CDON: variants seen among roughly 807,000 people sequenced by gnomAD.
CDON encodes cell adhesion molecule-related/down-regulated by oncogenes.
A neutral mutation model predicts 120.9 loss-of-function variants in CDON; 73 were observed. The ratio of observed to expected loss-of-function variants is 0.60; its 90% CI spans 0.50 to 0.73. The LOEUF (loss-of-function observed/expected upper bound fraction) is 0.73, where lower values mean the gene tolerates loss of function less well. Among genes scored for constraint, CDON ranks in the 30% least tolerant of loss-of-function variants. CDON has a pLI of 0.00. For missense variants in CDON, 1,470 were observed against 1,587.3 expected (o/e 0.93, Z 1.26); for synonymous variants, 566 against 573.5 (o/e 0.99, Z 0.19).
In CDON at chr11:125,957,336, G is replaced by A. The variant is rs999786776; in HGVS notation, c.*3606C>T. The A allele has an allele frequency of 3.3e-5, 5 of 152,198 alleles. No homozygotes were observed. The highest frequency in any genetic ancestry group is 3.9e-4 in the East Asian group (2 of 5,158). 9.4% of individuals were successfully genotyped at this position (152,198 alleles called of 1,614,324 possible). A position where few individuals can be genotyped will look rare whatever the true frequency, so the allele number is the denominator to read the frequency against. On this transcript the variant is annotated 3_prime_UTR_variant, in exon 20 of 20. Transcript: ENST00000531738. ...TGTGCACAGGGGAGTTTCAGGGGAG[G>A]ACAGGGGTGGGGGGTTCCAAAGAAT...
intron 9 of CDON, chr11:126,005,347 A>ACGC: frequency 5.0e-6 from 1 of 200,306 alleles, no homozygotes. Flanking sequence ...AAAACTTGAA[A>ACGC]TGCAAACAAT....
intron 18 of CDON, among the ~76,000 whole-genome samples, chr11:125,975,479 C>G (rs115394562): frequency 0.41 from 62,103 of 151,976 alleles, 12,892 homozygotes; most frequent in African/African-American, 0.47. Context: ...ACTAAACCTT[C>G]ACATTCAGGG....
chr11:125,984,008 C>G lies in CDON; in HGVS notation c.2859G>C (p.Gly953=). The G allele has an allele frequency of 6.2e-7, 1 of 1,613,992 alleles. No individual in the cohort carries two copies. The highest frequency in any genetic ancestry group is 8.5e-7 in the Non-Finnish European group (1 of 1,179,894). ...PNSLGSGGNV[G]PATSPARSSD... is the part of the protein sequence containing the mutation. ...TGCTTCTGGCAGGGCTGGTTGCAGG[C>G]CCCACATTTCCTCCACTTCCCAAAG... The change falls in exon 16 of 20, where the codon GGG becomes GGC. Residue 953 remains glycine, a synonymous_variant. Coordinates refer to ENST00000531738, the MANE Select transcript of CDON (RefSeq NM_001378964.1).
At chr11:125,992,525 C>T (rs1485616781) in intron 14 of CDON, among the ~76,000 whole-genome samples, 1 of 152,188 alleles carries the variant, frequency 6.6e-6, no homozygotes, top group Non-Finnish European at 1.5e-5. Context: ...CCAGGCTCTG[C>T]TTTCCCATGA....
chr11:125,959,906 T>C lies in CDON; in HGVS notation c.*1036A>G, dbSNP rs1259003618. On this transcript the variant is annotated 3_prime_UTR_variant, in exon 20 of 20. Transcript: ENST00000531738. Reference sequence around the variant, plus strand: ...AGAAACAGTCAAAAAGAGCCCATAGTGGCCATTTTATAAATTAATGTAATT... The same window carrying C: ...AGAAACAGTCAAAAAGAGCCCATAGCGGCCATTTTATAAATTAATGTAATT... The C allele has an allele frequency of 6.6e-6, 1 of 152,166 alleles. No individual in the cohort carries two copies. The allele number at this position is 152,166 out of a possible 1,614,324, so 9.4% of individuals were successfully genotyped here. A position where few individuals can be genotyped will look rare whatever the true frequency, so the allele number is the denominator to read the frequency against.
At position 126,056,386 on chromosome 11, in the gene CDON, C is replaced by T. The variant is rs572679232; in HGVS notation, c.-62+6193G>A. 7.9e-5 allele frequency among the ~76,000 whole-genome samples: 12 copies of T among 152,346 alleles called. No individual in the cohort carries two copies. The East Asian group carries it at 2.1e-3, about 27-fold the overall frequency. ...GAAGAAAAGGGGACAATTTGCCCTT[C>T]TCCAGTCCAGAGGAACCCATCCTGC... is the stretch of plus-strand genomic sequence containing the variant. On this transcript the variant is annotated intron_variant, in intron 1 of 19. Coordinates refer to ENST00000531738, the MANE Select transcript of CDON (RefSeq NM_001378964.1).
At chr11:126,060,079 T>G (rs1948761506) in intron 1 of CDON, among the ~76,000 whole-genome samples, 1 of 152,146 alleles carries the variant, frequency 6.6e-6, no homozygotes, top group African/African-American at 2.4e-5. Context: ...GAAAGTGAGT[T>G]AGTGCCAAAT....
chr11:126,052,531 AAAT>A (rs1948588409), intron 1 of CDON, among the ~76,000 whole-genome samples: 2 of 152,184 alleles, frequency 1.3e-5, no homozygotes, highest in Admixed American at 1.3e-4. Flanking sequence ...TAAAAATAAA[AAAT>A]AATACAGGCC....
Position 126,015,211 on chromosome 11 carries a change from TCTTATGACTGG to T in CDON, c.1198+19_1198+29del. 1.2e-6 allele frequency: 2 copies of T among 1,609,568 alleles called. No individual in the cohort carries two copies. Among genetic ancestry groups the T allele is most frequent in the South Asian group, 2.2e-5 (2 of 90,964 alleles). Reference sequence around the variant, plus strand: ...AAAAGCCCATCTGTAAAATAAAAGTTCTTATGACTGGCACGACCTAAAAGCCTACCATTTTC... The same window carrying T: ...AAAAGCCCATCTGTAAAATAAAAGTTCACGACCTAAAAGCCTACCATTTTC... On this transcript the variant is annotated intron_variant, in intron 7 of 19. Transcript: ENST00000531738.
At chr11:125,970,726 A>T (rs1945957781) in intron 18 of CDON, among the ~76,000 whole-genome samples, 1 of 152,180 alleles carries the variant, frequency 6.6e-6, no homozygotes, top group Non-Finnish European at 1.5e-5. Context: ...CATGACAGTA[A>T]ATGTTGAGTG....
At position 126,015,273 on chromosome 11, in the gene CDON, A is replaced by C; in HGVS notation, c.1166T>G (p.Met389Arg). ...QCVADNGIGF[M>R]HSTGRLEIEN... The stretch of plus-strand genomic sequence containing the variant: ...AATTTCAAGTCTTCCAGTAGAGTGC[A>C]TAAATCCAATCCCATTATCTGCTAC... Residue 389 changes from methionine to arginine, a missense_variant, in exon 7 of 20, where the codon ATG becomes AGG. Transcript: ENST00000531738. The C allele has an allele frequency of 6.2e-7, 1 of 1,614,192 alleles. No individual in the cohort carries two copies. Among genetic ancestry groups the C allele is most frequent in the South Asian group, 1.1e-5 (1 of 91,076 alleles).
intron 1 of CDON, among the ~76,000 whole-genome samples, chr11:126,033,365 T>C (rs1431062006): frequency 6.6e-6 from 1 of 151,884 alleles, no homozygotes; most frequent in Non-Finnish European, 1.5e-5. Flanking sequence ...CTTAAGAGAT[T>C]TGGGTCGCAG....
At chr11:126,016,960 G>T in intron 6 of CDON, 128 bp downstream of exon 6, 2 of 760,446 alleles carry the variant, frequency 2.6e-6, no homozygotes, top group Non-Finnish European at 4.2e-6. Context: ...AATGAAACTT[G>T]TTCTGGCTAG....
rs150974313 is a variant in CDON at position 125,960,983 on chromosome 11, C to G, written c.3754G>C (p.Asp1252His). Residue 1252 changes from aspartate to histidine, a missense_variant, in exon 20 of 20, where the codon GAC becomes CAC. Physicochemically the swap from Asp to His is moderately conservative, Grantham distance 81 (BLOSUM62 -1). Coordinates refer to ENST00000531738, the MANE Select transcript of CDON (RefSeq NM_001378964.1). ...TMWSPPGIPL[D>H]SPTEVLQQPR... The stretch of plus-strand genomic sequence containing the variant: ...TGCTGAAGGACCTCTGTCGGGCTGT[C>G]TAAAGGAATGCCAGGTGGAGACCAC... The G allele has an allele frequency of 2.6e-5, 42 of 1,614,222 alleles. No individual in the cohort carries two copies. In the African/African-American group the frequency reaches 4.5e-4, roughly 17 times the overall value.
chr11:126,057,974 C>T (rs546162863), intron 1 of CDON, among the ~76,000 whole-genome samples: 2 of 152,284 alleles, frequency 1.3e-5, no homozygotes, highest in East Asian at 3.9e-4. Flanking sequence ...ACCCATTTTA[C>T]AGACAAAGAC....
intron 11 of CDON, among the ~76,000 whole-genome samples, chr11:125,998,820 T>C (rs4935954): frequency 0.1 from 15,460 of 152,214 alleles, 851 homozygotes; most frequent in Admixed American, 0.15. Flanking sequence ...AGTGATCTTT[T>C]GGCATGCTGA....
At chr11:125,993,152 G>T (rs1327372701) in intron 14 of CDON, among the ~76,000 whole-genome samples, 3 of 152,186 alleles carry the variant, frequency 2.0e-5, no homozygotes, top group Admixed American at 6.5e-5. Context: ...TAGCTATCGT[G>T]TTGCTTCTGC....
intron 1 of CDON, among the ~76,000 whole-genome samples, chr11:126,053,386 C>G (rs774767107): frequency 6.6e-6 from 1 of 152,144 alleles, no homozygotes; most frequent in African/African-American, 2.4e-5. Flanking sequence ...GCTAGGACAC[C>G]AAACCGAAAT....
At chr11:125,974,623 A>G (rs1946104170) in intron 18 of CDON, among the ~76,000 whole-genome samples, 2 of 152,052 alleles carry the variant, frequency 1.3e-5, no homozygotes, top group African/African-American at 4.8e-5. Flanking sequence ...TATAAAAATA[A>G]TCAATCTGCC....
Sources: allele counts gnomAD v4.1 joint callset (sites outside exome capture counted in the v4.1 genomes callset), GRCh38; gene constraint gnomAD v4.1.1; transcripts MANE v1.5; gene names NCBI Gene and HGNC (gene_info 2026-07-23, HGNC 2026-07-21).